Variants in THADA observed in about 807,000 individuals in gnomAD.
THADA encodes tRNA (32-2'-O)-methyltransferase regulator THADA.
A neutral mutation model predicts 219.8 loss-of-function variants in THADA; 213 were observed. That is an observed-to-expected ratio of 0.97 (90% CI 0.87 to 1.09). THADA has a LOEUF of 1.09. THADA is among the 50% of genes least tolerant of loss of function. The pLI is 0.00. For synonymous variants in THADA, 1,018 were observed against 828.9 expected (o/e 1.23, Z -3.92); for missense variants, 2,956 against 2,311.3 (o/e 1.28, Z -5.72).
intron 22 of THADA, among the ~76,000 whole-genome samples, chr2:43,510,278 T>C (rs1025651361): frequency 1.3e-5 from 2 of 152,212 alleles, no homozygotes; most frequent in African/African-American, 2.4e-5. Context: ...GATGAAGCAG[T>C]TGTGACTCAA....
At chr2:43,330,098 C>A (rs1209099806) in intron 30 of THADA, among the ~76,000 whole-genome samples, 2 of 152,218 alleles carry the variant, frequency 1.3e-5, no homozygotes, top group African/African-American at 4.8e-5. Context: ...CACTGACTTG[C>A]TAACCTTGAG....
At chr2:43,522,961 G>A (rs1692681400) in intron 22 of THADA, among the ~76,000 whole-genome samples, 1 of 151,642 alleles carries the variant, frequency 6.6e-6, no homozygotes, top group Non-Finnish European at 1.5e-5. Context: ...TCCCCAAGGT[G>A]GCTCATCTCT....
intron 36 of THADA, among the ~76,000 whole-genome samples, chr2:43,258,279 T>C (rs539981702): frequency 6.6e-6 from 1 of 152,184 alleles, no homozygotes; most frequent in Non-Finnish European, 1.5e-5. Context: ...TCCCAGCACT[T>C]TGGGAGGCTG....
At chr2:43,456,121 G>A (rs1262938495) in intron 26 of THADA, among the ~76,000 whole-genome samples, 1 of 151,910 alleles carries the variant, frequency 6.6e-6, no homozygotes, top group Non-Finnish European at 1.5e-5. Context: ...AAATATTTGA[G>A]GTATATAAAT....
chr2:43,344,217 G>C lies in THADA; in HGVS notation c.4248C>G (p.Ala1416=). The change falls in exon 30 of 38, where the codon GCC becomes GCG. Residue 1416 remains alanine (A), a synonymous_variant. Coordinates refer to ENST00000405975, the MANE Select transcript of THADA (RefSeq NM_022065.5). ...TLLQVFHLLQ[A]YSDSKHGTNS... Reference sequence around the variant, plus strand: ...TCGTTCCGTGTTTGGAGTCTGAGTAGGCTTGCAACAAATGAAAAACCTAAA... The same window carrying C: ...TCGTTCCGTGTTTGGAGTCTGAGTACGCTTGCAACAAATGAAAAACCTAAA... 6.2e-7 allele frequency: 1 copy of C among 1,605,594 alleles called. No individual in the cohort carries two copies.
chr2:43,453,774 T>A (rs1035337371), intron 26 of THADA, among the ~76,000 whole-genome samples: 2 of 152,212 alleles, frequency 1.3e-5, no homozygotes, highest in Admixed American at 1.3e-4. Context: ...AGTCATTCCC[T>A]TACATATGTG....
At chr2:43,298,720 A>G (rs910565046) in intron 31 of THADA, among the ~76,000 whole-genome samples, 3 of 152,018 alleles carry the variant, frequency 2.0e-5, no homozygotes, top group African/African-American at 4.8e-5. Context: ...ACCCAGACCC[A>G]TTTTTCTGGT....
chr2:43,422,494 A>C (rs1677841285), intron 28 of THADA, among the ~76,000 whole-genome samples: 1 of 152,112 alleles, frequency 6.6e-6, no homozygotes, highest in Admixed American at 6.5e-5. Context: ...GTTCAGGGGG[A>C]CTACAGCCTC....
At chr2:43,564,456 C>T (rs1409866811) in intron 15 of THADA, 3 of 152,396 alleles carry the variant, frequency 2.0e-5, no homozygotes, top group Admixed American at 1.3e-4. Context: ...CGCACTGCCT[C>T]CTCTTTCTTT....
intron 7 of THADA, among the ~76,000 whole-genome samples, chr2:43,584,537 T>C (rs1414661957): frequency 6.6e-6 from 1 of 152,216 alleles, no homozygotes; most frequent in African/African-American, 2.4e-5. Context: ...ACAGGTATTA[T>C]TTCTCCTCTC....
chr2:43,570,784 A>G (rs1169877291), intron 13 of THADA, among the ~76,000 whole-genome samples: 1 of 152,210 alleles, frequency 6.6e-6, no homozygotes. Context: ...TACTTTACCA[A>G]TTCTTCACCC....
chr2:43,376,133 C>A (rs1573345285), intron 29 of THADA, among the ~76,000 whole-genome samples: 1 of 152,190 alleles, frequency 6.6e-6, no homozygotes, highest in East Asian at 1.9e-4. Context: ...CAGTAATGCT[C>A]TCTTCTATTT....
chr2:43,509,245 C>A (rs1336112119), intron 22 of THADA, among the ~76,000 whole-genome samples: 1 of 152,150 alleles, frequency 6.6e-6, no homozygotes, highest in Non-Finnish European at 1.5e-5. Context: ...ATGAGGCCTA[C>A]CACAAAATTT....
chr2:43,588,109 GAAATCA>G (rs1431440055), intron 4 of THADA, among the ~76,000 whole-genome samples: 2 of 152,124 alleles, frequency 1.3e-5, no homozygotes, highest in Non-Finnish European at 2.9e-5. Flanking sequence ...ACCTAACTCA[GAAATCA>G]AACCCATGTA....
chr2:43,239,473 A>T (rs1267684481), intron 36 of THADA, among the ~76,000 whole-genome samples: 1 of 152,244 alleles, frequency 6.6e-6, no homozygotes, highest in South Asian at 2.1e-4. Context: ...AGTGATTATT[A>T]ATTTCTAGGC....
chr2:43,296,912 G>A, intron 31 of THADA, among the ~76,000 whole-genome samples: 1 of 150,754 alleles, frequency 6.6e-6, no homozygotes, highest in Admixed American at 6.6e-5. Context: ...GCAGCCGCCT[G>A]CCTTGGCCTC....
intron 36 of THADA, among the ~76,000 whole-genome samples, chr2:43,277,022 C>T (rs991187266): frequency 6.6e-6 from 1 of 152,186 alleles, no homozygotes; most frequent in Non-Finnish European, 1.5e-5. Context: ...CCATCCCAAC[C>T]CCACTGAGAG....
chr2:43,236,169 C>T (rs1398858032), intron 36 of THADA, among the ~76,000 whole-genome samples: 1 of 152,110 alleles, frequency 6.6e-6, no homozygotes, highest in Non-Finnish European at 1.5e-5. Flanking sequence ...GGCGGGATGA[C>T]AGGCAAAAGG....
At chr2:43,352,871 G>C (rs1350475909) in intron 29 of THADA, among the ~76,000 whole-genome samples, 2 of 152,062 alleles carry the variant, frequency 1.3e-5, no homozygotes, top group African/African-American at 4.8e-5. Context: ...TGTATCCTTT[G>C]ACCTACATCT....
Sources: allele counts gnomAD v4.1 joint callset (sites outside exome capture counted in the v4.1 genomes callset), GRCh38; gene constraint gnomAD v4.1.1; transcripts MANE v1.5; gene names NCBI Gene and HGNC (gene_info 2026-07-23, HGNC 2026-07-21).